The following VPS45 variants were observed in gnomAD, a reference collection of about 807,000 sequenced individuals.
VPS45 encodes the protein vacuolar protein sorting-associated protein 45.
Under a neutral mutation model 75.9 loss-of-function variants are expected in VPS45, and 35 were observed. The observed-to-expected ratio is 0.46, with a 90% CI of 0.35 to 0.61. The LOEUF (loss-of-function observed/expected upper bound fraction) is 0.61, where lower values mean the gene tolerates loss of function less well. Among genes scored for constraint, VPS45 ranks in the 20% least tolerant of loss-of-function variants. The pLI, the probability that VPS45 is intolerant of heterozygous loss-of-function variation, is 0.00. For missense variants in VPS45, 559 were observed against 685.9 expected (o/e 0.81, Z 2.07); for synonymous variants, 220 against 238.2 (o/e 0.92, Z 0.70).
At chr1:150,093,459 GAAT>G in intron 12 of VPS45, 65 bp from the exon 13 acceptor site, 1 of 1,564,470 alleles carries the variant, frequency 6.4e-7, no homozygotes, top group Non-Finnish European at 8.7e-7. Flanking sequence ...TTTCTGATAT[GAAT>G]ATTATTAATT....
intron 14 of VPS45, among the ~76,000 whole-genome samples, chr1:150,126,043 C>T (rs1553810638): frequency 6.6e-6 from 1 of 151,934 alleles, no homozygotes; most frequent in Admixed American, 6.6e-5. Flanking sequence ...ACTGATAAAA[C>T]TTGGTCCCCA....
intron 2 of VPS45, among the ~76,000 whole-genome samples, chr1:150,069,685 T>TG (rs1332052986): frequency 2.0e-5 from 3 of 152,128 alleles, no homozygotes; most frequent in African/African-American, 7.2e-5. Flanking sequence ...CTTGATCTCC[T>TG]GACCTCATGA....
Position 150,076,932 on chromosome 1 carries a change from A to G in VPS45, c.386A>G (p.Tyr129Cys). ...VAEVQEFYGD[Y>C]IAVNPHLFSL... ...TATTTGCAGGAATTTTATGGTGATTACATTGCTGTGAACCCACATTTGTTT... is the reference window on the plus strand; with the variant it reads ...TATTTGCAGGAATTTTATGGTGATTGCATTGCTGTGAACCCACATTTGTTT... The change falls in exon 5 of 15, where the codon TAC (tyrosine) becomes TGC (cysteine). Residue 129 changes from tyrosine to cysteine, a missense_variant. Transcript: ENST00000644510. 1.9e-6 allele frequency: 3 copies of G among 1,614,130 alleles called. No homozygotes were observed. Among genetic ancestry groups the G allele is most frequent in the Non-Finnish European group, 2.5e-6 (3 of 1,180,008 alleles).
intron 14 of VPS45, among the ~76,000 whole-genome samples, chr1:150,115,719 G>A (rs782139509): frequency 2.6e-5 from 4 of 152,146 alleles, no homozygotes; most frequent in Non-Finnish European, 4.4e-5. Flanking sequence ...ATACATAAGG[G>A]TTCCTGAACC....
chr1:150,118,245 T>A (rs142382517), intron 14 of VPS45, among the ~76,000 whole-genome samples: 2,988 of 136,476 alleles, frequency 0.022, 91 homozygotes, highest in African/African-American at 0.077. Flanking sequence ...GATGGCACCA[T>A]TGCACTCCAG....
At chr1:150,088,434 A>AATACAT (rs1400963423) in intron 10 of VPS45, among the ~76,000 whole-genome samples, 2 of 125,540 alleles carry the variant, frequency 1.6e-5, no homozygotes, top group African/African-American at 6.5e-5. Flanking sequence ...CTGAATAATA[A>AATACAT]ATATATATAT....
intron 14 of VPS45, among the ~76,000 whole-genome samples, chr1:150,114,116 G>T (rs1324246914): frequency 6.6e-6 from 1 of 151,692 alleles, no homozygotes; most frequent in Non-Finnish European, 1.5e-5. Flanking sequence ...TCACATATTT[G>T]CCCCCTTTTC....
intron 13 of VPS45, among the ~76,000 whole-genome samples, chr1:150,106,395 A>T (rs945542195): frequency 1.3e-5 from 2 of 152,210 alleles, no homozygotes; most frequent in Non-Finnish European, 2.9e-5. Context: ...AAACAACCCC[A>T]TTAAAAACTG....
intron 14 of VPS45, among the ~76,000 whole-genome samples, chr1:150,135,441 G>A (rs1390388499): frequency 1.3e-5 from 2 of 151,372 alleles, no homozygotes; most frequent in African/African-American, 4.9e-5. Flanking sequence ...TTTTGTATTT[G>A]TTTTAGTAGA....
At chr1:150,090,533 T>C (rs1553801718) in intron 10 of VPS45, among the ~76,000 whole-genome samples, 1 of 152,174 alleles carries the variant, frequency 6.6e-6, no homozygotes. Flanking sequence ...TCTACATGAC[T>C]ATAGAAAGAA....
chr1:150,129,938 A>C (rs1424852482), intron 14 of VPS45, among the ~76,000 whole-genome samples: 1 of 151,130 alleles, frequency 6.6e-6, no homozygotes, highest in Non-Finnish European at 1.5e-5. Flanking sequence ...TGTAACCTCA[A>C]ACTCTTGGGC....
At position 150,137,781 on chromosome 1, in the gene VPS45, G is replaced by A. The variant is rs587614204; in HGVS notation, c.1626-6928G>A. On this transcript the variant is annotated intron_variant, in intron 14 of 14. Coordinates refer to ENST00000644510, the MANE Select transcript of VPS45 (RefSeq NM_007259.5). Reference sequence around the variant, plus strand: ...ATATAAAAAATTAGCCAGGCATGGCGGCGTATTTCTGTAGTCCCAGCTACT... The same window carrying A: ...ATATAAAAAATTAGCCAGGCATGGCAGCGTATTTCTGTAGTCCCAGCTACT... Among the ~76,000 whole-genome samples, 96 of 152,112 alleles carry A rather than the reference G, an allele frequency of 6.3e-4. 1 individual carries two copies. Among genetic ancestry groups the A allele is most frequent in the African/African-American group, 2.1e-3 (87 of 41,508 alleles).
intron 4 of VPS45, chr1:150,076,584 GT>G: frequency 4.3e-6 from 2 of 469,786 alleles, no homozygotes; most frequent in Non-Finnish European, 7.5e-6. Flanking sequence ...GGACAGCAAA[GT>G]TCTTTTTTAT....
intron 3 of VPS45, 149 bp downstream of exon 3, chr1:150,072,375 T>C: frequency 1.7e-6 from 1 of 596,108 alleles, no homozygotes; most frequent in Non-Finnish European, 2.6e-6. Context: ...TAAAAATCTT[T>C]TGACCTGCCG....
chr1:150,096,461 A>G (rs1430254502), intron 13 of VPS45, among the ~76,000 whole-genome samples: 1 of 152,240 alleles, frequency 6.6e-6, no homozygotes, highest in Non-Finnish European at 1.5e-5. Context: ...GAAGAAGTTT[A>G]GATTGTAAGC....
At chr1:150,130,198 C>CCTTTTTTT (rs1553811982) in intron 14 of VPS45, among the ~76,000 whole-genome samples, 1 of 86,338 alleles carries the variant, frequency 1.2e-5, no homozygotes, top group African/African-American at 5.0e-5. Context: ...CACACACACA[C>CCTTTTTTT]TTTTTTTTTT....
In VPS45 at chr1:150,145,073, T is replaced by G; in HGVS notation, c.*277T>G. On this transcript the variant is annotated 3_prime_UTR_variant, in exon 15 of 15. Coordinates refer to ENST00000644510, the MANE Select transcript of VPS45 (RefSeq NM_007259.5). ...CTGATGAATTTTGTTGGGATCTGAC[T>G]TGGGGAAAGGGTTATCAGAGCCTAG... is the stretch of plus-strand genomic sequence containing the variant. The G allele has an allele frequency of 1.3e-6, 1 of 779,294 alleles. No individual in the cohort carries two copies. The highest frequency in any genetic ancestry group is 1.9e-5 in the South Asian group (1 of 54,048). The allele number at this position is 779,294 out of a possible 1,614,324, so 48.3% of individuals were successfully genotyped here. A position where few individuals can be genotyped will look rare whatever the true frequency, so the allele number is the denominator to read the frequency against.
intron 2 of VPS45, among the ~76,000 whole-genome samples, chr1:150,071,778 A>C (rs1655087663): frequency 1.1e-5 from 1 of 90,990 alleles, no homozygotes; most frequent in South Asian, 4.5e-4. Context: ...ACAGAGTGAG[A>C]CTTAATCTCA....
intron 5 of VPS45, 35 bp from the exon 6 acceptor site, chr1:150,077,059 A>C: frequency 3.7e-6 from 6 of 1,613,296 alleles, no homozygotes; most frequent in Non-Finnish European, 5.1e-6. Flanking sequence ...AGAAAATTCA[A>C]ATATTTTCTC....
Sources: gnomAD v4.1 joint callset for allele counts (sites outside exome capture counted in the v4.1 genomes callset) on GRCh38, gnomAD v4.1.1 for gene constraint, MANE v1.5 for transcripts, NCBI Gene and HGNC (gene_info 2026-07-23, HGNC 2026-07-21) for gene names.